The following SEPTIN9 variants were observed in gnomAD, a reference collection of about 807,000 sequenced individuals.
SEPTIN9 encodes septin-9.
A neutral mutation model predicts 56.6 loss-of-function variants in SEPTIN9; 13 were observed. The observed-to-expected ratio is 0.23, with a 90% CI of 0.15 to 0.37. The LOEUF (loss-of-function observed/expected upper bound fraction) is 0.37, where lower values mean the gene tolerates loss of function less well. SEPTIN9 is among the 10% of genes least tolerant of loss of function. SEPTIN9 has a pLI of 1.00. For synonymous variants in SEPTIN9, 332 were observed against 334.1 expected (o/e 0.99, Z 0.07); for missense variants, 650 against 823.1 (o/e 0.79, Z 2.57).
intron 2 of SEPTIN9, chr17:77,320,239 G>T: frequency 6.2e-7 from 1 of 1,611,218 alleles, no homozygotes; most frequent in Non-Finnish European, 8.5e-7. Flanking sequence ...AGGAGGCTGA[G>T]AGAGGGAGGG....
intron 4 of SEPTIN9, among the ~76,000 whole-genome samples, chr17:77,486,487 GGTGT>G (rs773025304): frequency 5.2e-4 from 75 of 143,724 alleles, no homozygotes; most frequent in South Asian, 8.9e-4. Context: ...AGTCTGGAGG[GGTGT>G]GTGTGTGTGT....
intron 3 of SEPTIN9, among the ~76,000 whole-genome samples, chr17:77,419,216 G>A (rs1295258746): frequency 6.6e-6 from 1 of 152,154 alleles, no homozygotes; most frequent in African/African-American, 2.4e-5. Context: ...CCCCAGGCGG[G>A]TCACACTTGC....
At chr17:77,454,246 T>TG (rs1396288215) in intron 3 of SEPTIN9, 1 of 985,424 alleles carries the variant, frequency 1.0e-6, no homozygotes, top group Non-Finnish European at 1.2e-6. Flanking sequence ...AGCCACTCTT[T>TG]GGGGAAGAGG....
Position 77,490,867 on chromosome 17 carries a change from T to G in SEPTIN9, c.1380+8T>G. On this transcript the variant is annotated splice_region_variant and intron_variant, in intron 8 of 11. Coordinates refer to ENST00000427177, the MANE Select transcript of SEPTIN9 (RefSeq NM_001113491.2). ...GTCCACTTCAAACAGCGGGTAGGGT[T>G]CCATCTCTACTTGCCCCAGCCCTTC... The G allele has an allele frequency of 6.4e-7, 1 of 1,559,858 alleles. No individual in the cohort carries two copies. Among genetic ancestry groups the G allele is most frequent in the Non-Finnish European group, 8.7e-7 (1 of 1,150,000 alleles).
chr17:77,393,601 T>C (rs1598301849), intron 2 of SEPTIN9, among the ~76,000 whole-genome samples: 1 of 147,994 alleles, frequency 6.8e-6, no homozygotes, highest in Non-Finnish European at 1.5e-5. Context: ...TTATTTATTT[T>C]TATTTGAGAT....
chr17:77,472,527 G>A (rs1274986507), intron 3 of SEPTIN9: 1 of 152,242 alleles, frequency 6.6e-6, no homozygotes, highest in African/African-American at 2.4e-5. Context: ...CTTCCACCTT[G>A]TTAGTCACCA....
chr17:77,312,116 G>T (rs763562081), intron 2 of SEPTIN9, among the ~76,000 whole-genome samples: 5 of 152,012 alleles, frequency 3.3e-5, no homozygotes, highest in South Asian at 2.1e-4. Context: ...GTCTTGGTTG[G>T]GCCTCCATCA....
At position 77,485,229 on chromosome 17, in the gene SEPTIN9, GGTGATGGTGGTGATT is replaced by G. The variant is rs1393313725; in HGVS notation, c.914-2170_914-2156del. On this transcript the variant is annotated intron_variant, in intron 4 of 11. Transcript: ENST00000427177. ...TGATGATTGTGATGGTGGTGAAGGG[GGTGATGGTGGTGATT>G]GTGATGGTGGTGATTGTGATGGTGA... Among the ~76,000 whole-genome samples, 84 of 151,870 alleles carry G rather than the reference GGTGATGGTGGTGATT, an allele frequency of 5.5e-4. No individual in the cohort carries two copies. In the East Asian group the frequency reaches 6.0e-3, roughly 11 times the overall value.
rs2032459569 is a variant in SEPTIN9, at chr17:77,310,741, A to T, written c.76+3544A>T. Among the ~76,000 whole-genome samples the T allele has an allele frequency of 6.6e-6, 1 of 151,792 alleles. No homozygotes were observed. ...GCCTCTCTGACTGAGCGTCCAGCGG[A>T]CTTTTGCCCTGTTTCCCACGGTGCA... On this transcript the variant is annotated intron_variant, in intron 2 of 11. Transcript: ENST00000427177. The surrounding 1 kb of genome is among the most constrained non-coding windows in gnomAD (Gnocchi z 4.7).
intron 3 of SEPTIN9, among the ~76,000 whole-genome samples, chr17:77,459,929 G>T (rs907611213): frequency 1.3e-5 from 2 of 152,090 alleles, no homozygotes; most frequent in African/African-American, 4.8e-5. Flanking sequence ...ACCCACCTTG[G>T]CCTCCCAAAG....
chr17:77,375,350 C>T (rs1048567992), intron 2 of SEPTIN9: 2 of 152,176 alleles, frequency 1.3e-5, no homozygotes, highest in African/African-American at 4.8e-5. Flanking sequence ...CAGTTCCTAA[C>T]AGAAAGTGTC....
At chr17:77,448,248 G>A (rs901790074) in intron 3 of SEPTIN9, among the ~76,000 whole-genome samples, 1 of 152,068 alleles carries the variant, frequency 6.6e-6, no homozygotes, top group African/African-American at 2.4e-5. Context: ...TGAGGCGGGC[G>A]GATCAATTGA....
At chr17:77,474,347 A>AC (rs1407660592) in intron 3 of SEPTIN9, among the ~76,000 whole-genome samples, 1 of 151,932 alleles carries the variant, frequency 6.6e-6, no homozygotes, top group African/African-American at 2.4e-5. Context: ...GGAATCTGGG[A>AC]CCCCCAGCCC....
chr17:77,371,929 G>C lies in SEPTIN9; in HGVS notation c.77-30130G>C, dbSNP rs1014107536. On this transcript the variant is annotated intron_variant, in intron 2 of 11. Coordinates refer to ENST00000427177, the MANE Select transcript of SEPTIN9 (RefSeq NM_001113491.2). The surrounding 1 kb of genome is among the most constrained non-coding windows in gnomAD (Gnocchi z 4.1). The stretch of plus-strand genomic sequence containing the variant: ...GCCACCCAAACCTAGAACATTTTCC[G>C]CAAGAGACCCCCTGCCCCCCGCCTC... 3.3e-4 allele frequency among the ~76,000 whole-genome samples: 50 copies of C among 152,094 alleles called. No homozygotes were observed. Among genetic ancestry groups the C allele is most frequent in the Non-Finnish European group, 4.4e-5 (3 of 68,012 alleles).
At chr17:77,488,546 C>T (rs900254284) in intron 6 of SEPTIN9, among the ~76,000 whole-genome samples, 181 bp from the exon 7 acceptor site, 11 of 152,156 alleles carry the variant, frequency 7.2e-5, no homozygotes, top group Non-Finnish European at 1.3e-4. Flanking sequence ...GAGGCCAGCC[C>T]GGGGAGGCTG....
chr17:77,487,856 G>A lies in SEPTIN9; in HGVS notation c.1042+304G>A, dbSNP rs977472484. ...GATGTGGGATACCCATGCCTTCCTG[G>A]AGCACTGGTGCGGTGTGAGGGTGCC... is the stretch of plus-strand genomic sequence containing the variant. On this transcript the variant is annotated intron_variant, in intron 5 of 11. Coordinates refer to ENST00000427177, the MANE Select transcript of SEPTIN9 (RefSeq NM_001113491.2). This position sits in a 1 kb window ranked among gnomAD's most constrained non-coding sequence, Gnocchi z 4.3. Among the ~76,000 whole-genome samples, 13 of 152,144 alleles carry A rather than the reference G, an allele frequency of 8.5e-5. No individual in the cohort carries two copies. The highest frequency in any genetic ancestry group is 1.2e-4 in the Non-Finnish European group (8 of 68,012).
At position 77,437,503 on chromosome 17, in the gene SEPTIN9, G is replaced by T. The variant is rs1014670716; in HGVS notation, c.721+34800G>T. Among the ~76,000 whole-genome samples the T allele has an allele frequency of 6.6e-6, 1 of 152,008 alleles. No individual in the cohort carries two copies. Among genetic ancestry groups the T allele is most frequent in the Non-Finnish European group, 1.5e-5 (1 of 67,992 alleles). On this transcript the variant is annotated intron_variant, in intron 3 of 11. Coordinates refer to ENST00000427177, the MANE Select transcript of SEPTIN9 (RefSeq NM_001113491.2). This position sits in a 1 kb window ranked among gnomAD's most constrained non-coding sequence, Gnocchi z 5.3. ...TCTCAGTACTCTCGGGGGTCTCTCAGTGAGGTGGGAGGACCTCGAGAGGTC... is the reference window on the plus strand; with the variant it reads ...TCTCAGTACTCTCGGGGGTCTCTCATTGAGGTGGGAGGACCTCGAGAGGTC...
chr17:77,434,782 C>T lies in SEPTIN9; in HGVS notation c.721+32079C>T, dbSNP rs1286948781. On this transcript the variant is annotated intron_variant, in intron 3 of 11. Coordinates refer to ENST00000427177, the MANE Select transcript of SEPTIN9 (RefSeq NM_001113491.2). This position sits in a 1 kb window ranked among gnomAD's most constrained non-coding sequence, Gnocchi z 5.0. Reference sequence around the variant, plus strand: ...GGACCGGTGGCTCACCCCTCTTGCACCTGGACCTTGGGTGGCAGGCCTGGG... The same window carrying T: ...GGACCGGTGGCTCACCCCTCTTGCATCTGGACCTTGGGTGGCAGGCCTGGG... Among the ~76,000 whole-genome samples, 1 of 152,116 alleles carries T rather than the reference C, an allele frequency of 6.6e-6. No homozygotes were observed.
chr17:77,478,764 A>G (rs2039328250), intron 3 of SEPTIN9, among the ~76,000 whole-genome samples: 2 of 149,620 alleles, frequency 1.3e-5, no homozygotes, highest in Non-Finnish European at 2.9e-5. Context: ...AGATCGCGCC[A>G]TTGCACTCCA....
Sources: allele counts gnomAD v4.1 joint callset (sites outside exome capture counted in the v4.1 genomes callset), GRCh38; gene constraint gnomAD v4.1.1; non-coding constraint Gnocchi (gnomAD v3.1); transcripts MANE v1.5; gene names NCBI Gene and HGNC (gene_info 2026-07-23, HGNC 2026-07-21).